The following CAST variants were observed in gnomAD, a reference collection of about 807,000 sequenced individuals.
CAST encodes calpastatin, also known as MIR583 host.
Under a neutral mutation model 119.6 loss-of-function variants are expected in CAST, and 76 were observed. The observed-to-expected ratio is 0.64, with a 90% CI of 0.53 to 0.77. The LOEUF (loss-of-function observed/expected upper bound fraction) is 0.77. Among genes scored for constraint, CAST ranks in the 30% least tolerant of loss-of-function variants. The probability of loss-of-function intolerance (pLI) is 0.00; values close to 1 mark genes in which losing one functional copy is unlikely to be tolerated. For synonymous variants in CAST, 319 were observed against 331.6 expected (o/e 0.96, Z 0.41); for missense variants, 953 against 946.5 (o/e 1.01, Z -0.09).
At chr5:96,462,847 T>G in the CAST span, among the ~76,000 whole-genome samples, 3 of 152,132 alleles carry the variant, frequency 2.0e-5, no homozygotes, top group Non-Finnish European at 4.4e-5. Context: ...GATGGTTTTA[T>G]AAGTGTTCGG....
chr5:96,118,427 G>A, the CAST span, among the ~76,000 whole-genome samples: 40,658 of 151,984 alleles, frequency 0.27, 6,072 homozygotes, highest in Non-Finnish European at 0.33. Context: ...ACTTAGCCAT[G>A]GGATGGAAAA....
the CAST span, among the ~76,000 whole-genome samples, chr5:96,045,216 G>A: frequency 6.6e-6 from 1 of 152,152 alleles, no homozygotes; most frequent in African/African-American, 2.4e-5. Flanking sequence ...TGCTGGGCAT[G>A]GCGGCAGGCG....
chr5:96,741,828 A>G, intron 15 of CAST: 1 of 392,676 alleles, frequency 2.5e-6, no homozygotes, highest in Non-Finnish European at 4.7e-6. Context: ...TCTCACCATT[A>G]TGATACACAG....
intron 22 of CAST, 165 bp downstream of exon 22, chr5:96,754,906 C>G (rs572121179): frequency 2.2e-6 from 1 of 464,370 alleles, no homozygotes; most frequent in East Asian, 3.6e-5. Context: ...ACACCAGATA[C>G]AAAGCTAAAA....
At chr5:96,010,581 G>A in the CAST span, among the ~76,000 whole-genome samples, 1 of 152,050 alleles carries the variant, frequency 6.6e-6, no homozygotes, top group African/African-American at 2.4e-5. Flanking sequence ...CAAAGTGTTG[G>A]GATTACAGGC....
chr5:96,147,448 C>G, the CAST span, among the ~76,000 whole-genome samples: 1 of 152,132 alleles, frequency 6.6e-6, no homozygotes, highest in South Asian at 2.1e-4. Flanking sequence ...ACTAAAAATA[C>G]AAAAATTAGC....
the CAST span, among the ~76,000 whole-genome samples, chr5:96,422,229 T>G: frequency 6.6e-6 from 1 of 151,858 alleles, no homozygotes; most frequent in Non-Finnish European, 1.5e-5. Context: ...GATATTGGAG[T>G]TGGAAGGAAT....
chr5:96,313,025 G>C, the CAST span, among the ~76,000 whole-genome samples: 2 of 152,000 alleles, frequency 1.3e-5, no homozygotes, highest in East Asian at 1.9e-4. Context: ...GTTGATTGAC[G>C]TTCAAGTCTA....
chr5:96,299,231 G>A, the CAST span, among the ~76,000 whole-genome samples: 1 of 151,012 alleles, frequency 6.6e-6, no homozygotes. Flanking sequence ...GGCAACAAGA[G>A]CAAAAAACTC....
chr5:95,981,046 A>G, the CAST span, among the ~76,000 whole-genome samples: 2 of 152,254 alleles, frequency 1.3e-5, no homozygotes, highest in East Asian at 1.9e-4. Flanking sequence ...TGGTGAGGAC[A>G]GGCTGGAAAA....
the CAST span, among the ~76,000 whole-genome samples, chr5:96,445,021 GGTTA>G: frequency 6.6e-6 from 1 of 152,214 alleles, no homozygotes; most frequent in South Asian, 2.1e-4. Context: ...TTTCCTCTTG[GGTTA>G]GTTGGATTCC....
the CAST span, among the ~76,000 whole-genome samples, chr5:95,965,705 A>G: frequency 1.3e-5 from 2 of 152,224 alleles, no homozygotes; most frequent in Non-Finnish European, 2.9e-5. Flanking sequence ...TTGCCCAGCC[A>G]TGTACTAAAA....
the CAST span, among the ~76,000 whole-genome samples, chr5:96,425,004 AAAGAAAAGAAAGAAAGAAAGAAAGAAAG>A: frequency 1.3e-4 from 16 of 127,904 alleles, no homozygotes; most frequent in African/African-American, 3.7e-4. Context: ...AAAGAGAAAG[AAAGAAAAGAAAGAAAGAAAGAAAGAAAG>A]AAAGAAAGAA....
intron 1 of CAST, among the ~76,000 whole-genome samples, chr5:96,652,490 C>A (rs1021082479): frequency 6.6e-6 from 1 of 152,136 alleles, no homozygotes; most frequent in African/African-American, 2.4e-5. Context: ...TAACCCACAG[C>A]ACCTAATTAT....
the CAST span, among the ~76,000 whole-genome samples, chr5:96,319,766 T>G: frequency 6.6e-6 from 1 of 152,026 alleles, no homozygotes; most frequent in Non-Finnish European, 1.5e-5. Flanking sequence ...TTTAGTTATT[T>G]GAGAAAGTCC....
At chr5:96,420,497 T>G in the CAST span, among the ~76,000 whole-genome samples, 3,802 of 152,228 alleles carry the variant, frequency 0.025, 168 homozygotes, top group African/African-American at 0.087. Flanking sequence ...GGTTAACCCC[T>G]TTAGTCACCC....
At chr5:96,548,450 C>A (rs1580819274) in intron 1 of CAST, among the ~76,000 whole-genome samples, 2 of 152,238 alleles carry the variant, frequency 1.3e-5, no homozygotes, top group East Asian at 3.9e-4. Context: ...CAATTAGCTA[C>A]CACCAAGGAT....
chr5:96,601,591 A>G (rs1561427213), intron 1 of CAST, among the ~76,000 whole-genome samples: 1 of 152,222 alleles, frequency 6.6e-6, no homozygotes, highest in Non-Finnish European at 1.5e-5. Context: ...TTGCAGTGAA[A>G]GTACCGATTT....
At chr5:96,133,552 T>C in the CAST span, among the ~76,000 whole-genome samples, 2 of 152,326 alleles carry the variant, frequency 1.3e-5, no homozygotes, top group East Asian at 1.9e-4. Flanking sequence ...ATAACTGAAA[T>C]GTGTTTCATT....
Sources: gnomAD v4.1 joint callset for allele counts (sites outside exome capture counted in the v4.1 genomes callset) on GRCh38, gnomAD v4.1.1 for gene constraint, MANE v1.5 for transcripts, NCBI Gene and HGNC (gene_info 2026-07-23, HGNC 2026-07-21) for gene names.